The following CTNNA2 variants were observed in gnomAD, a reference collection of about 807,000 sequenced individuals.
CTNNA2 encodes the protein catenin alpha-2.
CTNNA2 carries 42 observed loss-of-function variants against 101.0 expected under a neutral mutation model. The ratio of observed to expected loss-of-function variants is 0.42; its 90% CI spans 0.32 to 0.54. CTNNA2 has a LOEUF of 0.54. Among genes scored for constraint, CTNNA2 ranks in the 20% least tolerant of loss-of-function variants. The probability of loss-of-function intolerance (pLI) is 0.14; values close to 1 mark genes in which losing one functional copy is unlikely to be tolerated. For missense variants in CTNNA2, 871 were observed against 1,223.1 expected, an observed-to-expected ratio of 0.71 and a Z score of 4.29; for synonymous variants, 450 against 456.4, an observed-to-expected ratio of 0.99 and a Z score of 0.18.
At chr2:80,531,438 C>T (rs1690532889) in intron 9 of CTNNA2, among the ~76,000 whole-genome samples, 1 of 152,218 alleles carries the variant, frequency 6.6e-6, no homozygotes, top group South Asian at 2.1e-4. Flanking sequence ...TGAAAGGCTG[C>T]ACAATTGGCC....
intron 3 of CTNNA2, among the ~76,000 whole-genome samples, chr2:79,324,925 A>G (rs1342153600): frequency 6.6e-6 from 1 of 152,148 alleles, no homozygotes; most frequent in African/African-American, 2.4e-5. Flanking sequence ...GCCTCCAAAT[A>G]AAGAAATAGG....
chr2:80,288,309 C>T (rs778618974), intron 7 of CTNNA2: 2 of 151,914 alleles, frequency 1.3e-5, no homozygotes, highest in African/African-American at 2.4e-5. Context: ...TAGTAGTGAG[C>T]AAAGCAGAAT....
At chr2:79,880,518 AC>A (rs1270056918) in intron 6 of CTNNA2, among the ~76,000 whole-genome samples, 1 of 152,044 alleles carries the variant, frequency 6.6e-6, no homozygotes, top group Admixed American at 6.5e-5. Context: ...CTATTCCATA[AC>A]TTTACTTCTT....
chr2:80,220,417 G>T (rs925011133), intron 7 of CTNNA2, among the ~76,000 whole-genome samples: 1 of 152,154 alleles, frequency 6.6e-6, no homozygotes, highest in African/African-American at 2.4e-5. Context: ...AAGTTGCCTA[G>T]TTTTTGCATT....
chr2:79,612,706 G>T (rs1204048979), intron 1 of CTNNA2, among the ~76,000 whole-genome samples: 1 of 151,996 alleles, frequency 6.6e-6, no homozygotes, highest in African/African-American at 2.4e-5. Context: ...TGTATGACTT[G>T]ATTTTTACAA....
intron 7 of CTNNA2, among the ~76,000 whole-genome samples, chr2:80,043,122 CTT>C (rs1696263463): frequency 6.0e-5 from 1 of 16,628 alleles, no homozygotes; most frequent in Non-Finnish European, 1.2e-4. Flanking sequence ...TTTCTTTCTC[CTT>C]CCTTCCTTCC....
intron 4 of CTNNA2, among the ~76,000 whole-genome samples, chr2:79,487,853 T>C (rs1164087968): frequency 6.6e-6 from 1 of 152,108 alleles, no homozygotes; most frequent in African/African-American, 2.4e-5. Flanking sequence ...TACATATCAA[T>C]AGATAACTAA....
intron 9 of CTNNA2, among the ~76,000 whole-genome samples, chr2:80,423,114 G>A (rs890580969): frequency 3.4e-4 from 52 of 151,912 alleles, no homozygotes; most frequent in Non-Finnish European, 6.5e-4. Context: ...TTTGCAGATA[G>A]TTTATCAATT....
At chr2:79,517,161 A>G (rs938317298) in intron 1 of CTNNA2, among the ~76,000 whole-genome samples, 1 of 152,188 alleles carries the variant, frequency 6.6e-6, no homozygotes, top group Non-Finnish European at 1.5e-5. Flanking sequence ...ATCTGTTGGC[A>G]TACCTTTGTT....
At chr2:79,256,654 C>T (rs2104280337) in intron 2 of CTNNA2, among the ~76,000 whole-genome samples, 1 of 152,298 alleles carries the variant, frequency 6.6e-6, no homozygotes, top group Middle Eastern at 3.4e-3. Flanking sequence ...CCACTACTTG[C>T]TCAAGCATAC....
chr2:79,752,371 A>G lies in CTNNA2; in HGVS notation c.298+7789A>G, dbSNP rs551529101. On this transcript the variant is annotated intron_variant, in intron 3 of 18. Coordinates refer to ENST00000402739, the MANE Select transcript of CTNNA2 (RefSeq NM_001282597.3). ...TAGAATGTTGTTGTAGTCATATCAG[A>G]GTGTTCAGAGATTGTGGAGAATGAA... Among the ~76,000 whole-genome samples the G allele has an allele frequency of 1.1e-4, 17 of 152,304 alleles. No individual in the cohort carries two copies. In the South Asian group the frequency reaches 3.5e-3, roughly 32 times the overall value.
At chr2:79,688,804 T>A (rs1211744527) in intron 2 of CTNNA2, among the ~76,000 whole-genome samples, 1 of 151,972 alleles carries the variant, frequency 6.6e-6, no homozygotes, top group Non-Finnish European at 1.5e-5. Context: ...AAGAACAAGG[T>A]CCAGAAGGCA....
intron 7 of CTNNA2, among the ~76,000 whole-genome samples, chr2:79,984,896 G>A (rs1008526247): frequency 2.6e-5 from 4 of 152,110 alleles, no homozygotes; most frequent in African/African-American, 7.2e-5. Context: ...GTAAGGATTG[G>A]CAAACAATAG....
chr2:79,632,557 G>A (rs924117681), intron 1 of CTNNA2, among the ~76,000 whole-genome samples: 1 of 152,212 alleles, frequency 6.6e-6, no homozygotes, highest in African/African-American at 2.4e-5. Flanking sequence ...TAGGTATAAT[G>A]TAAAAAACAA....
intron 2 of CTNNA2, among the ~76,000 whole-genome samples, chr2:79,219,482 T>A (rs530238437): frequency 6.6e-6 from 1 of 152,342 alleles, no homozygotes; most frequent in East Asian, 1.9e-4. Context: ...TAAATTTAAA[T>A]TTAAATAGCC....
chr2:80,366,512 C>G (rs949841645), intron 7 of CTNNA2, among the ~76,000 whole-genome samples: 9 of 152,092 alleles, frequency 5.9e-5, no homozygotes, highest in African/African-American at 1.4e-4. Flanking sequence ...GGCCTGGTGT[C>G]CTACAGATCA....
chr2:80,482,986 A>T (rs546947484), intron 9 of CTNNA2, among the ~76,000 whole-genome samples: 21 of 152,270 alleles, frequency 1.4e-4, no homozygotes, highest in African/African-American at 4.8e-4. Flanking sequence ...GATTTTGTGA[A>T]CACTTTTTAG....
At chr2:79,451,363 G>T (rs77918110) in intron 4 of CTNNA2, among the ~76,000 whole-genome samples, 1 of 151,846 alleles carries the variant, frequency 6.6e-6, no homozygotes. Context: ...ATTCAGATAC[G>T]TTTTTGAAAA....
At chr2:79,500,031 C>T (rs1671302733) in intron 4 of CTNNA2, among the ~76,000 whole-genome samples, 1 of 152,114 alleles carries the variant, frequency 6.6e-6, no homozygotes, top group African/African-American at 2.4e-5. Flanking sequence ...TGAGGACCAC[C>T]CACATTATGG....
Sources: allele counts gnomAD v4.1 joint callset (sites outside exome capture counted in the v4.1 genomes callset), GRCh38; gene constraint gnomAD v4.1.1; transcripts MANE v1.5; gene names NCBI Gene and HGNC (gene_info 2026-07-23, HGNC 2026-07-21).